The following LPP variants were observed in gnomAD, a reference collection of about 807,000 sequenced individuals.
LPP encodes the protein LIM domain containing preferred translocation partner in lipoma.
Under a neutral mutation model 60.4 loss-of-function variants are expected in LPP, and 38 were observed. That is an observed-to-expected ratio of 0.63 (90% CI 0.49 to 0.83). LPP has a LOEUF of 0.83. Among genes scored for constraint, LPP ranks in the 40% least tolerant of loss-of-function variants. The pLI is 0.00. For synonymous variants in LPP, 328 were observed against 290.8 expected, an observed-to-expected ratio of 1.13 and a Z score of -1.30; for missense variants, 902 against 783.6, an observed-to-expected ratio of 1.15 and a Z score of -1.80.
chr3:188,407,443 T>C (rs922521594), intron 4 of LPP, among the ~76,000 whole-genome samples: 4 of 152,194 alleles, frequency 2.6e-5, no homozygotes, highest in Admixed American at 2.6e-4. Context: ...GTAGAGAGGA[T>C]CAGGCTTCAG....
intron 4 of LPP, among the ~76,000 whole-genome samples, chr3:188,411,666 T>C (rs1784909449): frequency 6.6e-6 from 1 of 152,218 alleles, no homozygotes; most frequent in Admixed American, 6.5e-5. Flanking sequence ...ATCTGGGTTT[T>C]CACTCTGCTC....
At position 188,385,344 on chromosome 3, in the gene LPP, T is replaced by C. The variant is rs184605958; in HGVS notation, c.-9-20768T>C. On this transcript the variant is annotated intron_variant, in intron 3 of 11. Coordinates refer to ENST00000617246, the MANE Select transcript of LPP (RefSeq NM_001375462.1). ...GACTTGTTGGATGATTGAGTAAGCG[T>C]GTGGGGGGGTGTGAAGAGAGGGTTC... Among the ~76,000 whole-genome samples the C allele has an allele frequency of 1.4e-3, 207 of 152,118 alleles. 1 individual carries two copies. The highest frequency in any genetic ancestry group is 4.0e-3 in the African/African-American group (168 of 41,498).
At chr3:188,457,775 G>A (rs1338022476) in intron 4 of LPP, among the ~76,000 whole-genome samples, 3 of 150,810 alleles carry the variant, frequency 2.0e-5, no homozygotes, top group Non-Finnish European at 4.4e-5. Flanking sequence ...CAGGCGTGGT[G>A]GCACACACCT....
At chr3:188,469,076 TA>T (rs1269253211) in intron 4 of LPP, among the ~76,000 whole-genome samples, 3 of 152,190 alleles carry the variant, frequency 2.0e-5, no homozygotes, top group African/African-American at 7.2e-5. Flanking sequence ...TTGACTTTTT[TA>T]TGGAGGGCCT....
At chr3:188,328,070 A>G (rs1460216772) in intron 2 of LPP, among the ~76,000 whole-genome samples, 1 of 152,072 alleles carries the variant, frequency 6.6e-6, no homozygotes, top group African/African-American at 2.4e-5. Context: ...TCTCACAGCT[A>G]TGTATTTGAA....
chr3:188,428,584 A>G (rs982469733), intron 4 of LPP, among the ~76,000 whole-genome samples: 4 of 53,830 alleles, frequency 7.4e-5, no homozygotes, highest in Non-Finnish European at 1.1e-4. Flanking sequence ...TGGGCACTAT[A>G]TATATATATA....
intron 3 of LPP, among the ~76,000 whole-genome samples, chr3:188,377,558 A>T (rs1298939092): frequency 1.3e-5 from 2 of 152,118 alleles, no homozygotes; most frequent in East Asian, 3.9e-4. Flanking sequence ...CAGCTCCATC[A>T]GGTCCTTTAA....
chr3:188,196,125 AT>A (rs1729470220), intron 1 of LPP, among the ~76,000 whole-genome samples: 1 of 151,950 alleles, frequency 6.6e-6, no homozygotes, highest in African/African-American at 2.4e-5. Context: ...ATGTTTTGTT[AT>A]TCCTTTACCT....
intron 2 of LPP, among the ~76,000 whole-genome samples, chr3:188,304,646 T>C (rs1750939546): frequency 6.6e-6 from 1 of 152,186 alleles, no homozygotes; most frequent in South Asian, 2.1e-4. Flanking sequence ...CCTGGAGAGC[T>C]TAACATATTT....
At chr3:188,419,452 A>G (rs1174403958) in intron 4 of LPP, among the ~76,000 whole-genome samples, 4 of 152,212 alleles carry the variant, frequency 2.6e-5, no homozygotes, top group Non-Finnish European at 5.9e-5. Context: ...GTTACAGAGA[A>G]GAAAGACTCA....
chr3:188,804,246 T>TATATATATATATAA (rs1748299888), intron 9 of LPP, among the ~76,000 whole-genome samples: 1 of 55,628 alleles, frequency 1.8e-5, no homozygotes, highest in African/African-American at 6.5e-5. Context: ...TGCATCTTTA[T>TATATATATATATAA]ATATATATAT....
chr3:188,551,371 T>A (rs1828080288), intron 6 of LPP, among the ~76,000 whole-genome samples: 1 of 152,108 alleles, frequency 6.6e-6, no homozygotes, highest in African/African-American at 2.4e-5. Flanking sequence ...TCCCTCAACA[T>A]GTGGGAATTA....
chr3:188,822,623 A>G (rs1241372391), intron 9 of LPP, among the ~76,000 whole-genome samples: 5 of 152,112 alleles, frequency 3.3e-5, no homozygotes, highest in Admixed American at 3.3e-4. Flanking sequence ...TAACCTCATA[A>G]ACACATTTCT....
chr3:188,805,433 G>T (rs1488652210), intron 9 of LPP, among the ~76,000 whole-genome samples: 2 of 117,704 alleles, frequency 1.7e-5, no homozygotes, highest in Non-Finnish European at 3.5e-5. Flanking sequence ...TGTAAGTACT[G>T]TGGTATTGTT....
intron 2 of LPP, among the ~76,000 whole-genome samples, chr3:188,272,920 C>T (rs1170718433): frequency 1.3e-5 from 2 of 152,138 alleles, no homozygotes; most frequent in Non-Finnish European, 2.9e-5. Flanking sequence ...ACTTGTTAGA[C>T]CCTGCTAATG....
At chr3:188,398,642 A>G (rs917671260) in intron 3 of LPP, among the ~76,000 whole-genome samples, 6 of 152,226 alleles carry the variant, frequency 3.9e-5, no homozygotes, top group African/African-American at 1.4e-4. Context: ...AGGAAGAGTG[A>G]ATACATTTGC....
intron 8 of LPP, among the ~76,000 whole-genome samples, chr3:188,737,501 TTTG>T (rs574951445): frequency 1.3e-5 from 2 of 152,170 alleles, no homozygotes; most frequent in Non-Finnish European, 2.9e-5. Context: ...ATCACCCTTT[TTTG>T]TTGTTGTTGT....
At chr3:188,295,234 G>T (rs1747464439) in intron 2 of LPP, among the ~76,000 whole-genome samples, 1 of 152,202 alleles carries the variant, frequency 6.6e-6, no homozygotes, top group African/African-American at 2.4e-5. Context: ...AATATCAGCT[G>T]AGTAATGCAG....
chr3:188,178,076 G>T (rs1190382594), intron 1 of LPP, among the ~76,000 whole-genome samples: 2 of 152,230 alleles, frequency 1.3e-5, no homozygotes, highest in Non-Finnish European at 2.9e-5. Flanking sequence ...AGAAGAGTGA[G>T]GCTCCCACAG....
Sources: gnomAD v4.1 joint callset for allele counts (sites outside exome capture counted in the v4.1 genomes callset) on GRCh38, gnomAD v4.1.1 for gene constraint, MANE v1.5 for transcripts, NCBI Gene and HGNC (gene_info 2026-07-23, HGNC 2026-07-21) for gene names.